Variants in FRK observed in about 807,000 individuals in gnomAD.
FRK encodes fyn related Src family tyrosine kinase, also known as tyrosine-protein kinase FRK.
In FRK, 51 loss-of-function variants were observed where a neutral mutation model predicts 56.4. The ratio of observed to expected loss-of-function variants is 0.90; its 90% confidence interval spans 0.72 to 1.14. The LOEUF is 1.14. Ranked by LOEUF, FRK falls within the 50% of genes most tolerant of loss-of-function variation. FRK has a pLI of 0.00. For synonymous variants in FRK, 245 were observed against 217.9 expected, an observed-to-expected ratio of 1.12 and a Z score of -1.10; for missense variants, 570 against 601.4, an observed-to-expected ratio of 0.95 and a Z score of 0.55.
At chr6:116,022,415 G>A (rs1472066641) in intron 1 of FRK, among the ~76,000 whole-genome samples, 1 of 151,956 alleles carries the variant, frequency 6.6e-6, no homozygotes, top group Non-Finnish European at 1.5e-5. Context: ...ACACTGATTT[G>A]CAACCCCTTA....
chr6:116,017,189 C>A (rs13192549), intron 1 of FRK, among the ~76,000 whole-genome samples: 49,859 of 151,904 alleles, frequency 0.33, 8,611 homozygotes, highest in Middle Eastern at 0.45. Flanking sequence ...AACACACACC[C>A]GTGTTACTGT....
intron 1 of FRK, among the ~76,000 whole-genome samples, chr6:116,033,837 T>C (rs746025361): frequency 5.9e-5 from 9 of 152,088 alleles, no homozygotes; most frequent in Non-Finnish European, 1.2e-4. Context: ...AAGGGTTACA[T>C]CACAGAGGCC....
rs1192081972 is a variant in FRK, at chr6:115,936,503, GA to G, written c.*5910del. ...GACGGATGGATAGAAGTAGGCCTCAGAAGGTGGGTAATAACAAACTCCTCCA... is the reference window on the plus strand; with the variant it reads ...GACGGATGGATAGAAGTAGGCCTCAGAGGTGGGTAATAACAAACTCCTCCA... On this transcript the variant is annotated 3_prime_UTR_variant, in exon 8 of 8. Coordinates refer to ENST00000606080, the MANE Select transcript of FRK (RefSeq NM_002031.3). 1 of 152,200 alleles carries G rather than the reference GA, an allele frequency of 6.6e-6. No individual in the cohort carries two copies. The highest frequency in any genetic ancestry group is 1.5e-5 in the Non-Finnish European group (1 of 68,048). The allele number at this position is 152,200 out of a possible 1,614,324, so 9.4% of individuals were successfully genotyped here. A position where few individuals can be genotyped will look rare whatever the true frequency, so the allele number is the denominator to read the frequency against.
At chr6:116,048,559 A>AT (rs886337376) in intron 1 of FRK, among the ~76,000 whole-genome samples, 160 of 150,782 alleles carry the variant, frequency 1.1e-3, no homozygotes, top group African/African-American at 3.6e-3. Context: ...TAATTTTTGT[A>AT]TTTTTTTTTA....
intron 5 of FRK, among the ~76,000 whole-genome samples, chr6:115,946,816 A>C (rs373800257): frequency 1.3e-5 from 2 of 152,310 alleles, no homozygotes; most frequent in African/African-American, 4.8e-5. Flanking sequence ...TGAGAAACAG[A>C]AAATGCCATC....
chr6:115,953,641 T>A (rs909674546), intron 5 of FRK, among the ~76,000 whole-genome samples: 10 of 152,170 alleles, frequency 6.6e-5, no homozygotes, highest in Admixed American at 6.5e-4. Flanking sequence ...CTGAAGCTGA[T>A]AGGGTTCATA....
the FRK span, among the ~76,000 whole-genome samples, chr6:116,091,092 A>C: frequency 1.8e-4 from 28 of 152,196 alleles, no homozygotes; most frequent in African/African-American, 6.3e-4. Flanking sequence ...TTCCTACAAA[A>C]GTGAGAGGTG....
intron 2 of FRK, among the ~76,000 whole-genome samples, chr6:115,999,750 A>C (rs1364150931): frequency 6.6e-6 from 1 of 152,222 alleles, no homozygotes; most frequent in Non-Finnish European, 1.5e-5. Flanking sequence ...CTTAGCAGTA[A>C]TCAACAGTCA....
At chr6:115,982,708 A>G (rs751028825) in intron 2 of FRK, among the ~76,000 whole-genome samples, 1 of 152,106 alleles carries the variant, frequency 6.6e-6, no homozygotes, top group African/African-American at 2.4e-5. Flanking sequence ...CAAAGTACAC[A>G]TTCCAATGAA....
At chr6:116,093,655 G>A in the FRK span, among the ~76,000 whole-genome samples, 3 of 152,180 alleles carry the variant, frequency 2.0e-5, no homozygotes, top group South Asian at 2.1e-4. Flanking sequence ...CATGGGGACT[G>A]GAGTTGCAAA....
At position 115,932,397 on chromosome 6, in the gene FRK, TTA is replaced by T. The variant is rs1274303441; in HGVS notation, c.*10015_*10016del. 6.6e-6 allele frequency: 1 copy of T among 152,214 alleles called. No individual in the cohort carries two copies. The highest frequency in any genetic ancestry group is 2.4e-5 in the African/African-American group (1 of 41,448). 9.4% of individuals were successfully genotyped at this position (152,214 alleles called of 1,614,324 possible). ...CTGAATATTTGCATCATGTTGAAGA[TTA>T]TAGACTGAATCTTCTACATAATAAT... On this transcript the variant is annotated 3_prime_UTR_variant, in exon 8 of 8. Transcript: ENST00000606080.
intron 2 of FRK, among the ~76,000 whole-genome samples, chr6:115,998,687 A>C (rs910737382): frequency 1.3e-5 from 2 of 152,224 alleles, no homozygotes; most frequent in African/African-American, 4.8e-5. Flanking sequence ...GACTGAGTTC[A>C]GGGACTGTGC....
intron 1 of FRK, among the ~76,000 whole-genome samples, chr6:116,056,493 T>G (rs955457022): frequency 6.6e-6 from 1 of 152,180 alleles, no homozygotes; most frequent in African/African-American, 2.4e-5. Context: ...TTTTAAACTC[T>G]TTGCAGATAA....
the FRK span, among the ~76,000 whole-genome samples, chr6:116,084,525 C>T: frequency 6.6e-6 from 1 of 152,206 alleles, no homozygotes; most frequent in Non-Finnish European, 1.5e-5. Context: ...CATCTCCTAG[C>T]AGTCTAGTTC....
chr6:116,059,566 T>A (rs949186506), intron 1 of FRK, among the ~76,000 whole-genome samples: 7 of 152,054 alleles, frequency 4.6e-5, no homozygotes, highest in East Asian at 1.9e-4. Flanking sequence ...AAGTTTTTTT[T>A]AAAAAAAAGA....
Position 116,060,451 on chromosome 6 carries a change from C to G in FRK, c.-140G>C, listed in dbSNP as rs1777587507. 1 of 651,542 alleles carries G rather than the reference C, an allele frequency of 1.5e-6. No individual in the cohort carries two copies. The allele number at this position is 651,542 out of a possible 1,614,324, so 40.4% of individuals were successfully genotyped here. ...TCGGAGAGTATGCAAAGTCCCGTTT[C>G]AGATCAGTCCAGCAGCTGGGTTGCA... On this transcript the variant is annotated 5_prime_UTR_variant, in exon 1 of 8. Transcript: ENST00000606080.
In FRK at chr6:115,937,873, T is replaced by A. The variant is rs1772080455; in HGVS notation, c.*4541A>T. ...AGAGACTTAGACTCCCACACAATAA[T>A]AGTGGGAAATTTTAACAGCCTGCTG... On this transcript the variant is annotated 3_prime_UTR_variant, in exon 8 of 8. Transcript: ENST00000606080. 6.6e-6 allele frequency: 1 copy of A among 152,104 alleles called. No individual in the cohort carries two copies. Among genetic ancestry groups the A allele is most frequent in the South Asian group, 2.1e-4 (1 of 4,832 alleles). The allele number at this position is 152,104 out of a possible 1,614,324, so 9.4% of individuals were successfully genotyped here. A position where few individuals can be genotyped will look rare whatever the true frequency, so the allele number is the denominator to read the frequency against.
chr6:115,939,655 G>A lies in FRK; in HGVS notation c.*2759C>T, dbSNP rs949483856. On this transcript the variant is annotated 3_prime_UTR_variant, in exon 8 of 8. Transcript: ENST00000606080. ...CAAAGTCTCAGGATACAAAATCAATGTGCAAAAATCACACACATTCCTATA... is the reference window on the plus strand; with the variant it reads ...CAAAGTCTCAGGATACAAAATCAATATGCAAAAATCACACACATTCCTATA... 1.3e-5 allele frequency: 2 copies of A among 152,210 alleles called. No homozygotes were observed. The highest frequency in any genetic ancestry group is 2.9e-5 in the Non-Finnish European group (2 of 68,076). The allele number at this position is 152,210 out of a possible 1,614,324, so 9.4% of individuals were successfully genotyped here. A position where few individuals can be genotyped will look rare whatever the true frequency, so the allele number is the denominator to read the frequency against.
chr6:115,958,893 T>C lies in FRK; in HGVS notation c.800-2283A>G, dbSNP rs577863913. On this transcript the variant is annotated intron_variant, in intron 4 of 7. Coordinates refer to ENST00000606080, the MANE Select transcript of FRK (RefSeq NM_002031.3). ...AATATATATTTATGTTAATGAAATTTCTATGTTGTGTGGCTATCAGATTCA... is the reference window on the plus strand; with the variant it reads ...AATATATATTTATGTTAATGAAATTCCTATGTTGTGTGGCTATCAGATTCA... Among the ~76,000 whole-genome samples the C allele has an allele frequency of 3.3e-5, 5 of 151,992 alleles. No homozygotes were observed. The South Asian group carries it at 1.0e-3, about 32-fold the overall frequency.
Sources: allele counts gnomAD v4.1 joint callset (sites outside exome capture counted in the v4.1 genomes callset), GRCh38; gene constraint gnomAD v4.1.1; transcripts MANE v1.5; gene names NCBI Gene and HGNC (gene_info 2026-07-23, HGNC 2026-07-21).